MPDZ: variants seen among roughly 807,000 people sequenced by gnomAD.
The protein encoded by MPDZ is multiple PDZ domain protein.
Under a neutral mutation model 239.1 loss-of-function variants are expected in MPDZ, and 234 were observed. The observed-to-expected ratio is 0.98, with a 90% CI of 0.88 to 1.09. The LOEUF is 1.09. MPDZ is among the 50% of genes least tolerant of loss of function. The pLI, the probability that MPDZ is intolerant of heterozygous loss-of-function variation, is 0.00. For synonymous variants in MPDZ, 1,048 were observed against 881.3 expected (o/e 1.19, Z -3.35); for missense variants, 3,175 against 2,510.0 (o/e 1.26, Z -5.66).
At chr9:13,187,439 A>G (rs1414593205) in intron 17 of MPDZ, among the ~76,000 whole-genome samples, 1 of 152,162 alleles carries the variant, frequency 6.6e-6, no homozygotes, top group Non-Finnish European at 1.5e-5. Flanking sequence ...ATCTTAATAA[A>G]TAGGTAGAGT....
At chr9:13,277,598 T>C (rs1262108106) in intron 1 of MPDZ, among the ~76,000 whole-genome samples, 3 of 152,172 alleles carry the variant, frequency 2.0e-5, no homozygotes, top group Non-Finnish European at 4.4e-5. Flanking sequence ...AGAGTCTCGC[T>C]CTGTCACCCA....
At chr9:13,178,264 A>AC (rs1271236952) in intron 19 of MPDZ, among the ~76,000 whole-genome samples, 3 of 151,732 alleles carry the variant, frequency 2.0e-5, no homozygotes, top group Non-Finnish European at 4.4e-5. Context: ...ATCTCAAAAA[A>AC]AAAAAAAAAA....
intron 13 of MPDZ, among the ~76,000 whole-genome samples, chr9:13,195,232 G>A (rs1026770741): frequency 1.3e-5 from 2 of 152,114 alleles, no homozygotes; most frequent in Non-Finnish European, 2.9e-5. Context: ...AGGCTGCAGT[G>A]AGCCATGACT....
chr9:13,260,454 G>A (rs1453567596), intron 1 of MPDZ, among the ~76,000 whole-genome samples: 2 of 152,162 alleles, frequency 1.3e-5, no homozygotes, highest in Non-Finnish European at 2.9e-5. Context: ...TGTCAGTGTT[G>A]TGACTATTCT....
chr9:13,264,667 A>G (rs1354500586), intron 1 of MPDZ, among the ~76,000 whole-genome samples: 1 of 152,024 alleles, frequency 6.6e-6, no homozygotes, highest in African/African-American at 2.4e-5. Context: ...AAAAAAAAAA[A>G]AAAAAAGAGT....
intron 22 of MPDZ, among the ~76,000 whole-genome samples, chr9:13,166,103 T>C (rs944312352): frequency 2.6e-5 from 4 of 152,114 alleles, no homozygotes; most frequent in Non-Finnish European, 4.4e-5. Flanking sequence ...CCACCCAGAT[T>C]AAGCTAGGTT....
chr9:13,202,457 C>T (rs905869831), intron 12 of MPDZ, among the ~76,000 whole-genome samples: 7 of 152,100 alleles, frequency 4.6e-5, no homozygotes, highest in African/African-American at 1.7e-4. Flanking sequence ...CAGATTGTAC[C>T]CCAGAAGCAC....
chr9:13,140,542 A>G (rs1463690623), intron 27 of MPDZ, among the ~76,000 whole-genome samples: 1 of 150,690 alleles, frequency 6.6e-6, no homozygotes, highest in Non-Finnish European at 1.5e-5. Flanking sequence ...ATTAGATGGG[A>G]TTCAGGTAAA....
intron 12 of MPDZ, among the ~76,000 whole-genome samples, chr9:13,202,451 T>C (rs1481126643): frequency 2.6e-5 from 4 of 152,180 alleles, no homozygotes; most frequent in Admixed American, 2.0e-4. Flanking sequence ...TTTCCACAGA[T>C]TGTACCCCAG....
At chr9:13,273,597 T>A (rs931809826) in intron 1 of MPDZ, among the ~76,000 whole-genome samples, 2 of 152,206 alleles carry the variant, frequency 1.3e-5, no homozygotes, top group African/African-American at 4.8e-5. Flanking sequence ...GGAGAGGGGA[T>A]GATCTGCATC....
At chr9:13,214,603 T>A (rs944178902) in intron 10 of MPDZ, among the ~76,000 whole-genome samples, 3 of 152,044 alleles carry the variant, frequency 2.0e-5, no homozygotes, top group African/African-American at 4.8e-5. Context: ...CTTATTTTTT[T>A]AAAAGTTTTC....
chr9:13,196,309 T>A, intron 12 of MPDZ, 79 bp from the exon 13 acceptor site: 1 of 966,156 alleles, frequency 1.0e-6, no homozygotes, highest in Non-Finnish European at 1.6e-6. Context: ...AAGGATTCTC[T>A]GATCAGAACC....
rs906323490 is a variant in MPDZ at position 13,279,457 on chromosome 9, G to C, written c.-115C>G. 1 of 148,462 alleles carries C rather than the reference G, an allele frequency of 6.7e-6. No individual in the cohort carries two copies. Among genetic ancestry groups the C allele is most frequent in the African/African-American group, 2.4e-5 (1 of 41,044 alleles). 9.2% of individuals were successfully genotyped at this position (148,462 alleles called of 1,614,324 possible). A position where few individuals can be genotyped will look rare whatever the true frequency, so the allele number is the denominator to read the frequency against. ...CGAGGGGGCGGAGGACTGGGGAGCA[G>C]GGGTCGCCGGGGCCTCTGGATGCCT... On this transcript the variant is annotated 5_prime_UTR_variant, in exon 1 of 47. Coordinates refer to ENST00000319217, the MANE Select transcript of MPDZ (RefSeq NM_001378778.1).
Position 13,107,047 on chromosome 9 carries a change from C to G in MPDZ, c.6131G>C (p.Ser2044Thr), listed in dbSNP as rs760036444. 3.1e-6 allele frequency: 5 copies of G among 1,611,370 alleles called. No individual in the cohort carries two copies. The highest frequency in any genetic ancestry group is 4.2e-6 in the Non-Finnish European group (5 of 1,177,958). Residue 2044 changes from serine (S) to threonine (T), a missense_variant, in exon 47 of 47, where the codon AGT becomes ACT. By Grantham distance (58) the Ser-to-Thr change is moderately conservative (BLOSUM62 1). Transcript: ENST00000319217. ...GDQIIAVNGQ[S>T]LEGVTHEEAV... The stretch of plus-strand genomic sequence containing the variant: ...TTCTTCATGGGTGACTCCTTCTAGA[C>G]TCTGCCCATTGACAGCAATGATCTG...
intron 19 of MPDZ, among the ~76,000 whole-genome samples, chr9:13,178,556 A>T (rs1952825843): frequency 6.6e-6 from 1 of 152,174 alleles, no homozygotes; most frequent in African/African-American, 2.4e-5. Context: ...TTAAAATGCA[A>T]TTCAGTTCTA....
At position 13,175,867 on chromosome 9, in the gene MPDZ, C is replaced by T. The variant is rs1174136570; in HGVS notation, c.2940G>A (p.Glu980=). ...VLPDSAGKGS[E]YLLEQSSLAC... ...CCAGGGAGCTCTGTTCAAGCAGGTA[C>T]TCAGAGCCCTTTAAGAAAGAAAAAG... The change falls in exon 21 of 47, where the codon GAG becomes GAA. Residue 980 remains glutamate (E), a synonymous_variant. Coordinates refer to ENST00000319217, the MANE Select transcript of MPDZ (RefSeq NM_001378778.1). 1.9e-6 allele frequency: 3 copies of T among 1,591,116 alleles called. No individual in the cohort carries two copies. In the African/African-American group the frequency reaches 4.0e-5, roughly 21 times the overall value.
rs568624493 is a variant in MPDZ at position 13,199,795 on chromosome 9, T to C, written c.1547-3565A>G. On this transcript the variant is annotated intron_variant, in intron 12 of 46. Coordinates refer to ENST00000319217, the MANE Select transcript of MPDZ (RefSeq NM_001378778.1). ...TGGCATATGTTGAAACATCCTCGCA[T>C]CCTTGGGATGAATCAAACTTGATTA... Among the ~76,000 whole-genome samples, 3 of 152,274 alleles carry C rather than the reference T, an allele frequency of 2.0e-5. No homozygotes were observed. The South Asian group carries it at 6.2e-4, about 32-fold the overall frequency.
intron 12 of MPDZ, among the ~76,000 whole-genome samples, chr9:13,201,828 T>G (rs1956424938): frequency 6.6e-6 from 1 of 152,114 alleles, no homozygotes; most frequent in Non-Finnish European, 1.5e-5. Context: ...GTGAAACAAA[T>G]TTCTCATTGT....
chr9:13,237,471 T>C (rs1451027572), intron 3 of MPDZ, among the ~76,000 whole-genome samples: 1 of 131,816 alleles, frequency 7.6e-6, no homozygotes, highest in Non-Finnish European at 1.6e-5. Context: ...AAAGGTAAAA[T>C]GGTAAGTACA....
Sources: allele counts gnomAD v4.1 joint callset (sites outside exome capture counted in the v4.1 genomes callset), GRCh38; gene constraint gnomAD v4.1.1; transcripts MANE v1.5; gene names NCBI Gene and HGNC (gene_info 2026-07-23, HGNC 2026-07-21).